CELF4: variants seen among roughly 807,000 people sequenced by gnomAD.
CELF4 encodes CUGBP Elav-like family member 4.
A neutral mutation model predicts 59.9 loss-of-function variants in CELF4; 18 were observed. That is an observed-to-expected ratio of 0.30 (90% CI 0.21 to 0.45). The LOEUF is 0.45. Among genes scored for constraint, CELF4 ranks in the 20% least tolerant of loss-of-function variants. The probability of loss-of-function intolerance (pLI) is 1.00; values close to 1 mark genes in which losing one functional copy is unlikely to be tolerated. For synonymous variants in CELF4, 261 were observed against 267.1 expected (o/e 0.98, Z 0.22); for missense variants, 456 against 689.0 (o/e 0.66, Z 3.79).
chr18:37,409,575 G>A (rs1406439438), intron 2 of CELF4, among the ~76,000 whole-genome samples: 1 of 152,194 alleles, frequency 6.6e-6, no homozygotes, highest in African/African-American at 2.4e-5. Context: ...CCTGCACCCT[G>A]TTGTCGAGGT....
intron 1 of CELF4, among the ~76,000 whole-genome samples, chr18:37,530,931 G>A (rs1569569772): frequency 6.6e-6 from 1 of 152,000 alleles, no homozygotes; most frequent in African/African-American, 2.4e-5. Context: ...ATAAGAATCT[G>A]GTCCAGGTCG....
intron 1 of CELF4, among the ~76,000 whole-genome samples, chr18:37,489,011 A>T (rs1322529064): frequency 6.6e-6 from 1 of 152,198 alleles, no homozygotes; most frequent in Non-Finnish European, 1.5e-5. Context: ...CTAAGTGCAG[A>T]CTGCAGTGTC....
chr18:37,483,422 T>C (rs2099874300), intron 2 of CELF4, among the ~76,000 whole-genome samples: 1 of 152,130 alleles, frequency 6.6e-6, no homozygotes, highest in Non-Finnish European at 1.5e-5. Context: ...GGCCATGAGT[T>C]TCCCTGTGAA....
chr18:37,263,694 C>T (rs1283655886), intron 10 of CELF4, among the ~76,000 whole-genome samples: 6 of 152,082 alleles, frequency 3.9e-5, no homozygotes, highest in Admixed American at 2.6e-4. Context: ...TGGCATCTGA[C>T]CCAAAGATCT....
At chr18:37,275,372 C>A in intron 3 of CELF4, 129 bp from the exon 4 acceptor site, 1 of 33,504 alleles carries the variant, frequency 3.0e-5, no homozygotes, top group Non-Finnish European at 5.3e-5. Context: ...TCGGAGCCGG[C>A]GGGGGAGAGG....
At chr18:37,365,526 C>G (rs549501576) in intron 2 of CELF4, among the ~76,000 whole-genome samples, 11 of 122,484 alleles carry the variant, frequency 9.0e-5, no homozygotes, top group African/African-American at 3.5e-4. Flanking sequence ...TGTTCTGTCA[C>G]CCAGGCTGGA....
chr18:37,561,125 A>C (rs2099986409), intron 1 of CELF4, among the ~76,000 whole-genome samples: 1 of 152,280 alleles, frequency 6.6e-6, no homozygotes, highest in South Asian at 2.1e-4. Context: ...ACACTTCTGG[A>C]TGTAGTGTGG....
At chr18:37,402,023 A>G (rs1268140363) in intron 2 of CELF4, among the ~76,000 whole-genome samples, 1 of 152,178 alleles carries the variant, frequency 6.6e-6, no homozygotes, top group African/African-American at 2.4e-5. Flanking sequence ...GTATGCCATC[A>G]GTTTGCTGGG....
At chr18:37,349,268 G>A (rs2098383860) in intron 2 of CELF4, among the ~76,000 whole-genome samples, 1 of 152,218 alleles carries the variant, frequency 6.6e-6, no homozygotes, top group African/African-American at 2.4e-5. Context: ...CCACCAGGAT[G>A]TCCCTCCTAT....
Position 37,339,926 on chromosome 18 carries a change from T to C in CELF4, c.370-18045A>G, listed in dbSNP as rs578174973. Among the ~76,000 whole-genome samples, 39 of 152,168 alleles carry C rather than the reference T, an allele frequency of 2.6e-4. 1 individual carries two copies. The South Asian group carries it at 8.1e-3, about 32-fold the overall frequency. ...GGTGCAGCCACTCCCAGCCTTGGGA[T>C]TGCCAGTGACTTGGGGTTCTGTGTG... On this transcript the variant is annotated intron_variant, in intron 2 of 12. Transcript: ENST00000420428.
intron 1 of CELF4, among the ~76,000 whole-genome samples, chr18:37,540,524 G>C (rs926147396): frequency 6.6e-6 from 1 of 152,162 alleles, no homozygotes. Flanking sequence ...TGGCTGGGTC[G>C]GGATATGTGG....
chr18:37,550,398 C>T (rs1370849259), intron 1 of CELF4, among the ~76,000 whole-genome samples: 2 of 152,174 alleles, frequency 1.3e-5, no homozygotes, highest in African/African-American at 4.8e-5. Flanking sequence ...ACACATCCCA[C>T]CCATGCTGTG....
intron 2 of CELF4, among the ~76,000 whole-genome samples, chr18:37,431,270 T>A (rs1184944500): frequency 6.6e-6 from 1 of 151,600 alleles, no homozygotes; most frequent in Non-Finnish European, 1.5e-5. Flanking sequence ...TTCCTGGAGG[T>A]CTTATCATCT....
At chr18:37,359,725 T>A (rs1211524495) in intron 2 of CELF4, among the ~76,000 whole-genome samples, 2 of 152,182 alleles carry the variant, frequency 1.3e-5, no homozygotes, top group Non-Finnish European at 2.9e-5. Flanking sequence ...ATTTTTGTAT[T>A]TTTAGTAGAG....
intron 3 of CELF4, among the ~76,000 whole-genome samples, chr18:37,284,678 G>A (rs764899770): frequency 9.9e-5 from 15 of 152,194 alleles, no homozygotes; most frequent in East Asian, 3.8e-4. Context: ...CCATGGCTGC[G>A]GCTCTGACTC....
At chr18:37,462,250 A>G (rs2099795616) in intron 2 of CELF4, among the ~76,000 whole-genome samples, 1 of 152,128 alleles carries the variant, frequency 6.6e-6, no homozygotes, top group Admixed American at 6.5e-5. Flanking sequence ...CGAGCAGGGA[A>G]AAGGAGAAGC....
chr18:37,430,899 T>G (rs1331781218), intron 2 of CELF4, among the ~76,000 whole-genome samples: 2 of 152,176 alleles, frequency 1.3e-5, no homozygotes, highest in Non-Finnish European at 2.9e-5. Context: ...CGCTGGTGCT[T>G]TTTATAGCTG....
At chr18:37,381,773 C>T (rs187335220) in intron 2 of CELF4, among the ~76,000 whole-genome samples, 3 of 152,294 alleles carry the variant, frequency 2.0e-5, no homozygotes, top group African/African-American at 7.2e-5. Context: ...CTGTCAGCCC[C>T]AGCTCTCCCT....
At chr18:37,449,649 G>T (rs535283731) in intron 2 of CELF4, among the ~76,000 whole-genome samples, 1 of 152,224 alleles carries the variant, frequency 6.6e-6, no homozygotes, top group East Asian at 1.9e-4. Flanking sequence ...CAGTAAAGCA[G>T]AGTAAGGGGA....
Sources: allele counts gnomAD v4.1 joint callset (sites outside exome capture counted in the v4.1 genomes callset), GRCh38; gene constraint gnomAD v4.1.1; transcripts MANE v1.5; gene names NCBI Gene and HGNC (gene_info 2026-07-23, HGNC 2026-07-21).